ULK4: variants seen among roughly 807,000 people sequenced by gnomAD.
The protein encoded by ULK4 is inactive serine/threonine-protein kinase ULK4.
In ULK4, 133 loss-of-function variants were observed where a neutral mutation model predicts 160.6. The ratio of observed to expected loss-of-function variants is 0.83; its 90% CI spans 0.72 to 0.96. The LOEUF (loss-of-function observed/expected upper bound fraction) is 0.96, where lower values mean the gene tolerates loss of function less well. Ranked by LOEUF, ULK4 falls within the 40% of genes least tolerant of loss-of-function variation. The probability of loss-of-function intolerance (pLI) is 0.00; values close to 1 mark genes in which losing one functional copy is unlikely to be tolerated. For missense variants in ULK4, 1,580 were observed against 1,499.5 expected (o/e 1.05, Z -0.89); for synonymous variants, 534 against 539.8 (o/e 0.99, Z 0.15).
intron 6 of ULK4, 115 bp downstream of exon 6, chr3:41,919,602 A>G (rs1699116734): frequency 1.1e-6 from 1 of 884,456 alleles, no homozygotes; most frequent in Non-Finnish European, 1.8e-6. Flanking sequence ...ACTCTGTCTC[A>G]AAATAAAAAA....
At chr3:41,274,481 C>G (rs1215486667) in intron 35 of ULK4, among the ~76,000 whole-genome samples, 1 of 152,166 alleles carries the variant, frequency 6.6e-6, no homozygotes, top group Non-Finnish European at 1.5e-5. Context: ...CACATCAGTT[C>G]AGTCACAGTG....
chr3:41,705,146 T>C lies in ULK4; in HGVS notation c.2692A>G (p.Thr898Ala). The change falls in exon 27 of 37, where the codon ACA becomes GCA. Residue 898 changes from threonine to alanine, a missense_variant. By Grantham distance (58) the Thr-to-Ala change is moderately conservative. Transcript: ENST00000301831. ...ETNIDGAIGLTASEEFIKITL... is the reference protein window; with the variant it reads ...ETNIDGAIGLAASEEFIKITL... ...ATCTTGATAAATTCTTCTGATGCTG[T>C]CAGTCCTAGAAATACAGTTAATTAT... 6.2e-7 allele frequency: 1 copy of C among 1,613,508 alleles called. No homozygotes were observed. Among genetic ancestry groups the C allele is most frequent in the South Asian group, 1.1e-5 (1 of 90,992 alleles).
chr3:41,481,438 A>G (rs1421455397), intron 32 of ULK4, among the ~76,000 whole-genome samples: 1 of 152,170 alleles, frequency 6.6e-6, no homozygotes, highest in South Asian at 2.1e-4. Context: ...AGGCATCCTT[A>G]GCCTTTAGAT....
intron 32 of ULK4, among the ~76,000 whole-genome samples, chr3:41,498,304 A>C (rs2085064056): frequency 6.6e-6 from 1 of 152,220 alleles, no homozygotes; most frequent in Admixed American, 6.5e-5. Flanking sequence ...TAAAACACTC[A>C]TGGGTCAAAG....
chr3:41,608,278 T>C (rs909368348), intron 31 of ULK4, among the ~76,000 whole-genome samples: 2 of 151,820 alleles, frequency 1.3e-5, no homozygotes, highest in Non-Finnish European at 2.9e-5. Flanking sequence ...GCACATAAAT[T>C]CTTCTTTTTC....
At chr3:41,570,614 G>T (rs1314078755) in intron 31 of ULK4, among the ~76,000 whole-genome samples, 2 of 152,094 alleles carry the variant, frequency 1.3e-5, no homozygotes, top group Non-Finnish European at 2.9e-5. Context: ...TAAATCTATT[G>T]TTTCTTTGAG....
chr3:41,914,162 A>G (rs929820025), intron 8 of ULK4, among the ~76,000 whole-genome samples: 4 of 152,266 alleles, frequency 2.6e-5, no homozygotes, highest in African/African-American at 9.6e-5. Context: ...TATACTCACC[A>G]GAGTGGGAAA....
At chr3:41,726,392 A>C (rs1422673905) in intron 22 of ULK4, among the ~76,000 whole-genome samples, 2 of 152,248 alleles carry the variant, frequency 1.3e-5, no homozygotes, top group Non-Finnish European at 2.9e-5. Flanking sequence ...GACTTTACTG[A>C]CAAGAGAACA....
In ULK4 at chr3:41,266,006, T is replaced by C. The variant is rs141177617; in HGVS notation, c.3679-16432A>G. Among the ~76,000 whole-genome samples the C allele has an allele frequency of 1.7e-3, 263 of 152,290 alleles. 2 individuals carry two copies. Among genetic ancestry groups the C allele is most frequent in the African/African-American group, 6.1e-3 (255 of 41,560 alleles). ...GAGGACCACACAGGACCCAGCAGAA[T>C]GTGTATGCACAGGAAATAACTTTCT... On this transcript the variant is annotated intron_variant, in intron 35 of 36. Transcript: ENST00000301831.
chr3:41,634,069 C>T (rs1044287998), intron 30 of ULK4, among the ~76,000 whole-genome samples: 1 of 152,184 alleles, frequency 6.6e-6, no homozygotes, highest in Non-Finnish European at 1.5e-5. Flanking sequence ...CACTAGCAAC[C>T]CTGCCCTAAC....
At chr3:41,466,983 T>C (rs1456820222) in intron 32 of ULK4, among the ~76,000 whole-genome samples, 1 of 152,078 alleles carries the variant, frequency 6.6e-6, no homozygotes, top group Non-Finnish European at 1.5e-5. Flanking sequence ...GAAATGCAGA[T>C]TAAAATCACA....
intron 18 of ULK4, among the ~76,000 whole-genome samples, chr3:41,823,477 T>C (rs188979477): frequency 5.2e-4 from 79 of 152,318 alleles, no homozygotes; most frequent in Admixed American, 1.2e-3. Flanking sequence ...CTCAGGGTGA[T>C]AGGTATCCTT....
rs1222496944 is a variant in ULK4 at position 41,883,858 on chromosome 3, T to C, written c.1656+16A>G. The C allele has an allele frequency of 8.2e-6, 13 of 1,581,896 alleles. No homozygotes were observed. Among genetic ancestry groups the C allele is most frequent in the Non-Finnish European group, 1.0e-5 (12 of 1,150,386 alleles). Reference sequence around the variant, plus strand: ...TTTCTTGACATTCATCACATTTAAGTAATAAAAGACATTACCTCAACAACA... The same window carrying C: ...TTTCTTGACATTCATCACATTTAAGCAATAAAAGACATTACCTCAACAACA... On this transcript the variant is annotated intron_variant, in intron 17 of 36. Transcript: ENST00000301831.
chr3:41,805,598 C>A (rs2040617754), intron 19 of ULK4, among the ~76,000 whole-genome samples: 1 of 151,028 alleles, frequency 6.6e-6, no homozygotes, highest in Non-Finnish European at 1.5e-5. Flanking sequence ...TTTGCCCATT[C>A]AGTATGATAC....
At chr3:41,931,284 G>A (rs1699588242) in intron 5 of ULK4, among the ~76,000 whole-genome samples, 1 of 151,954 alleles carries the variant, frequency 6.6e-6, no homozygotes, top group Non-Finnish European at 1.5e-5. Context: ...TGAACAATGA[G>A]AACACATGGA....
chr3:41,775,110 T>A (rs973004601), intron 21 of ULK4, among the ~76,000 whole-genome samples: 1 of 147,920 alleles, frequency 6.8e-6, no homozygotes, highest in Non-Finnish European at 1.5e-5. Flanking sequence ...TTAGGAGATA[T>A]ACCTAATGCT....
At chr3:41,386,481 G>A (rs1434500829) in intron 35 of ULK4, among the ~76,000 whole-genome samples, 1 of 152,120 alleles carries the variant, frequency 6.6e-6, no homozygotes, top group African/African-American at 2.4e-5. Flanking sequence ...TTTCTCAAAA[G>A]TCAGGCAGGA....
chr3:41,382,841 C>T (rs964044190), intron 35 of ULK4, among the ~76,000 whole-genome samples: 1 of 152,018 alleles, frequency 6.6e-6, no homozygotes, highest in African/African-American at 2.4e-5. Context: ...TTATATATAG[C>T]CTATCTACTT....
At chr3:41,357,628 T>A (rs966772434) in intron 35 of ULK4, among the ~76,000 whole-genome samples, 1 of 152,204 alleles carries the variant, frequency 6.6e-6, no homozygotes, top group African/African-American at 2.4e-5. Flanking sequence ...GCACACCTAG[T>A]GCAGAGCCTA....
Sources: gnomAD v4.1 joint callset for allele counts (sites outside exome capture counted in the v4.1 genomes callset) on GRCh38, gnomAD v4.1.1 for gene constraint, MANE v1.5 for transcripts, NCBI Gene and HGNC (gene_info 2026-07-23, HGNC 2026-07-21) for gene names.